Variants in FANK1 observed in about 807,000 individuals in gnomAD.
The protein encoded by FANK1 is fibronectin type III and ankyrin repeat domains 1.
Under a neutral mutation model 45.3 loss-of-function variants are expected in FANK1, and 44 were observed. That is an observed-to-expected ratio of 0.97 (90% confidence interval 0.76 to 1.25). FANK1 has a LOEUF of 1.25. Ranked by LOEUF, FANK1 falls within the 50% of genes most tolerant of loss-of-function variation. The probability of loss-of-function intolerance (pLI) is 0.00; values close to 1 mark genes in which losing one functional copy is unlikely to be tolerated. For synonymous variants in FANK1, 149 were observed against 152.5 expected (o/e 0.98, Z 0.17); for missense variants, 391 against 424.4 (o/e 0.92, Z 0.69).
chr10:125,958,426 G>A (rs10901480), intron 1 of FANK1, among the ~76,000 whole-genome samples: 49,155 of 152,000 alleles, frequency 0.32, 8,233 homozygotes, highest in East Asian at 0.46. Flanking sequence ...CATGTCTTAC[G>A]GGGTTTCGCC....
chr10:125,968,597 C>T (rs1950311677), intron 1 of FANK1, among the ~76,000 whole-genome samples: 1 of 152,136 alleles, frequency 6.6e-6, no homozygotes, highest in South Asian at 2.1e-4. Context: ...AATTCCAATA[C>T]AGTGTATGAT....
At chr10:125,924,442 T>G (rs1173685876) in intron 1 of FANK1, among the ~76,000 whole-genome samples, 2 of 151,830 alleles carry the variant, frequency 1.3e-5, no homozygotes, top group African/African-American at 4.8e-5. Context: ...TTAGTAGAGA[T>G]GGGGTTTTAC....
chr10:125,930,809 C>T (rs908285848), intron 1 of FANK1, among the ~76,000 whole-genome samples: 1 of 152,072 alleles, frequency 6.6e-6, no homozygotes, highest in African/African-American at 2.4e-5. Flanking sequence ...GATTTTGGTG[C>T]ACCCACCACC....
intron 8 of FANK1, 75 bp from the exon 9 acceptor site, chr10:126,008,979 C>T: frequency 7.0e-7 from 1 of 1,432,336 alleles, no homozygotes; most frequent in South Asian, 1.2e-5. Context: ...CCTGCATGTG[C>T]CAGGCTCATG....
At chr10:125,985,752 C>T (rs1281704235) in intron 2 of FANK1, among the ~76,000 whole-genome samples, 1 of 152,090 alleles carries the variant, frequency 6.6e-6, no homozygotes, top group African/African-American at 2.4e-5. Flanking sequence ...TGTTTCTGCC[C>T]CATGTGGTCT....
At chr10:125,990,937 C>A (rs1248989596) in intron 3 of FANK1, among the ~76,000 whole-genome samples, 1 of 152,166 alleles carries the variant, frequency 6.6e-6, no homozygotes, top group Non-Finnish European at 1.5e-5. Flanking sequence ...ACCATCAGAT[C>A]TTATGAGACT....
intron 3 of FANK1, chr10:125,994,595 C>A (rs959191489): frequency 1.0e-6 from 1 of 985,120 alleles, no homozygotes; most frequent in South Asian, 4.7e-5. Flanking sequence ...ATTCGAAGTG[C>A]TTCATTGGTG....
intron 1 of FANK1, among the ~76,000 whole-genome samples, chr10:125,967,680 T>G (rs1488978743): frequency 1.3e-5 from 2 of 152,202 alleles, no homozygotes; most frequent in Non-Finnish European, 2.9e-5. Flanking sequence ...CATAGCTCAC[T>G]GCAGCCTCAA....
In FANK1 at chr10:125,916,199, A is replaced by T. The variant is rs201739064; in HGVS notation, c.13+19544A>T. 9.2e-5 allele frequency among the ~76,000 whole-genome samples: 14 copies of T among 152,102 alleles called. No individual in the cohort carries two copies. The East Asian group carries it at 2.7e-3, about 30-fold the overall frequency. On this transcript the variant is annotated intron_variant, in intron 1 of 10. Coordinates refer to ENST00000368693, the MANE Select transcript of FANK1 (RefSeq NM_145235.5). ...ACTACAGGTGCATGCCACCACGCCC[A>T]GCTAATTTTTGCATTTTTAGTAGAG...
chr10:125,928,864 G>A (rs529160657), intron 1 of FANK1, among the ~76,000 whole-genome samples: 3 of 152,282 alleles, frequency 2.0e-5, no homozygotes, highest in Non-Finnish European at 2.9e-5. Flanking sequence ...ATGGACCAAA[G>A]TTATTTGGTC....
intron 1 of FANK1, among the ~76,000 whole-genome samples, chr10:125,951,879 CTG>C (rs1949257827): frequency 6.6e-6 from 1 of 152,150 alleles, no homozygotes; most frequent in East Asian, 1.9e-4. Flanking sequence ...AAAACTGCCA[CTG>C]TGTTCAGTTG....
chr10:125,950,922 G>T (rs910801820), intron 1 of FANK1, among the ~76,000 whole-genome samples: 8 of 151,286 alleles, frequency 5.3e-5, no homozygotes, highest in Non-Finnish European at 1.0e-4. Flanking sequence ...CATAAAAAAT[G>T]ATGAGTTCGC....
chr10:125,967,926 A>T (rs1950276857), intron 1 of FANK1, among the ~76,000 whole-genome samples: 1 of 152,204 alleles, frequency 6.6e-6, no homozygotes, highest in Non-Finnish European at 1.5e-5. Context: ...ATACAGCCAA[A>T]TTGTTTTTTT....
At chr10:125,901,569 A>G (rs1299752918) in intron 1 of FANK1, among the ~76,000 whole-genome samples, 1 of 152,224 alleles carries the variant, frequency 6.6e-6, no homozygotes, top group African/African-American at 2.4e-5. Context: ...TGCTTCAAGC[A>G]CATTGGTCTT....
intron 1 of FANK1, among the ~76,000 whole-genome samples, chr10:125,965,755 T>G (rs1950172206): frequency 6.6e-6 from 1 of 152,230 alleles, no homozygotes; most frequent in South Asian, 2.1e-4. Flanking sequence ...TGCAGTAAAT[T>G]GAAGTTGTTG....
chr10:125,983,184 T>A lies in FANK1; in HGVS notation c.191+2846T>A, dbSNP rs981320788. Among the ~76,000 whole-genome samples the A allele has an allele frequency of 6.6e-6, 1 of 152,202 alleles. No individual in the cohort carries two copies. The highest frequency in any genetic ancestry group is 1.5e-5 in the Non-Finnish European group (1 of 68,044). On this transcript the variant is annotated intron_variant, in intron 2 of 10. Coordinates refer to ENST00000368693, the MANE Select transcript of FANK1 (RefSeq NM_145235.5). The surrounding 1 kb of genome is among the most constrained non-coding windows in gnomAD (Gnocchi z 4.3). ...TGTGTGTTCAGTTGTTTTCCCTGTT[T>A]GGACAGATTTTCCCCTCTCACCCTA...
intron 1 of FANK1, among the ~76,000 whole-genome samples, chr10:125,915,627 C>G (rs1158802386): frequency 6.6e-6 from 1 of 152,160 alleles, no homozygotes; most frequent in African/African-American, 2.4e-5. Flanking sequence ...CCAGCCTGAG[C>G]AACATAGACC....
chr10:125,902,232 G>A (rs1237100720), intron 1 of FANK1, among the ~76,000 whole-genome samples: 1 of 152,120 alleles, frequency 6.6e-6, no homozygotes, highest in East Asian at 1.9e-4. Flanking sequence ...TGCACATTGT[G>A]CACATGTACC....
At chr10:125,909,124 T>C (rs113713910) in intron 1 of FANK1, among the ~76,000 whole-genome samples, 2,735 of 152,312 alleles carry the variant, frequency 0.018, 77 homozygotes, top group African/African-American at 0.062. Context: ...GTAGGGTTGC[T>C]TGAATGTCCT....
Sources: gnomAD v4.1 joint callset for allele counts (sites outside exome capture counted in the v4.1 genomes callset) on GRCh38, gnomAD v4.1.1 for gene constraint, Gnocchi (gnomAD v3.1) non-coding constraint, MANE v1.5 for transcripts, NCBI Gene and HGNC (gene_info 2026-07-23, HGNC 2026-07-21) for gene names.